The following KCNU1 variants were observed in gnomAD, a reference collection of about 807,000 sequenced individuals.
KCNU1 encodes the protein potassium channel subfamily U member 1.
In KCNU1, 93 loss-of-function variants were observed where a neutral mutation model predicts 126.8. The observed-to-expected ratio is 0.73, with a 90% confidence interval of 0.62 to 0.87. The LOEUF is 0.87. KCNU1 is among the 40% of genes least tolerant of loss of function. The probability of loss-of-function intolerance (pLI) is 0.00; values close to 1 mark genes in which losing one functional copy is unlikely to be tolerated. For missense variants in KCNU1, 1,330 were observed against 1,367.1 expected (o/e 0.97, Z 0.43); for synonymous variants, 523 against 494.2 (o/e 1.06, Z -0.77).
chr8:36,784,622 G>A lies in KCNU1; in HGVS notation c.195+17G>A, dbSNP rs764729993. 1.8e-5 allele frequency: 28 copies of A among 1,586,528 alleles called. No individual in the cohort carries two copies. Among genetic ancestry groups the A allele is most frequent in the Non-Finnish European group, 2.2e-5 (25 of 1,160,014 alleles). On this transcript the variant is annotated intron_variant, in intron 1 of 26. Coordinates refer to ENST00000399881, the MANE Select transcript of KCNU1 (RefSeq NM_001031836.3). ...ATTATCTTGGTCAGTTTCCTTGTTA[G>A]GGATCCCTCTGTGTGAAGTCAGAGA... is the stretch of plus-strand genomic sequence containing the variant.
At chr8:36,904,481 C>A (rs1807543994) in intron 19 of KCNU1, among the ~76,000 whole-genome samples, 1 of 152,126 alleles carries the variant, frequency 6.6e-6, no homozygotes, top group African/African-American at 2.4e-5. Context: ...TATTCAAATG[C>A]CAGTTTTGCA....
At chr8:36,801,472 A>T (rs1359152523) in intron 2 of KCNU1, among the ~76,000 whole-genome samples, 1 of 147,614 alleles carries the variant, frequency 6.8e-6, no homozygotes, top group Non-Finnish European at 1.5e-5. Context: ...GTTTCTGTTC[A>T]TTTCCATGGG....
chr8:36,833,742 G>A (rs1256823177), intron 11 of KCNU1, 83 bp downstream of exon 11: 6 of 774,316 alleles, frequency 7.7e-6, no homozygotes, highest in Admixed American at 2.3e-5. Context: ...TTTTAAAAAA[G>A]GTATTATTTC....
At chr8:36,796,754 TTTC>T (rs1194290701) in intron 2 of KCNU1, among the ~76,000 whole-genome samples, 1 of 152,216 alleles carries the variant, frequency 6.6e-6, no homozygotes, top group East Asian at 1.9e-4. Flanking sequence ...TCAATCTTTC[TTTC>T]TTATTTCTTC....
rs1791814461 is a variant in KCNU1, at chr8:36,931,016, G to A, written c.2802G>A (p.Gln934=). The A allele has an allele frequency of 2.5e-6, 4 of 1,611,354 alleles. No individual in the cohort carries two copies. Among genetic ancestry groups the A allele is most frequent in the Non-Finnish European group, 2.5e-6 (3 of 1,178,578 alleles). ...QMLVTGGVSS[Q]LEQHLDKDKV... ...TGGTGACAGGAGGAGTAAGTTCTCAGCTGGAACAACATTTAGATAAGGATA... is the reference window on the plus strand; with the variant it reads ...TGGTGACAGGAGGAGTAAGTTCTCAACTGGAACAACATTTAGATAAGGATA... Residue 934 remains glutamine, a synonymous_variant, in exon 25 of 27, where the codon CAG becomes CAA. Transcript: ENST00000399881.
At chr8:36,863,385 G>C (rs968137947) in intron 18 of KCNU1, among the ~76,000 whole-genome samples, 1 of 152,116 alleles carries the variant, frequency 6.6e-6, no homozygotes, top group African/African-American at 2.4e-5. Context: ...TCTCCACTTG[G>C]GTGGGCAGGG....
intron 18 of KCNU1, among the ~76,000 whole-genome samples, chr8:36,849,056 C>G (rs1805250319): frequency 3.9e-5 from 6 of 152,074 alleles, no homozygotes; most frequent in Admixed American, 3.9e-4. Context: ...TCACTACAAT[C>G]AATTTTAGAA....
intron 2 of KCNU1, among the ~76,000 whole-genome samples, chr8:36,799,568 G>T (rs1457944545): frequency 1.3e-5 from 2 of 151,006 alleles, no homozygotes; most frequent in South Asian, 4.2e-4. Context: ...GTATCACTCT[G>T]CTGTCATCCA....
chr8:36,885,493 T>A (rs1478458301), intron 19 of KCNU1, among the ~76,000 whole-genome samples: 3 of 152,058 alleles, frequency 2.0e-5, no homozygotes, highest in Non-Finnish European at 4.4e-5. Flanking sequence ...AGAAGGAGGT[T>A]GCAGTGTGTG....
At chr8:36,793,494 C>A (rs901856493) in intron 2 of KCNU1, among the ~76,000 whole-genome samples, 4 of 151,668 alleles carry the variant, frequency 2.6e-5, no homozygotes, top group Non-Finnish European at 5.9e-5. Flanking sequence ...AATGACAATT[C>A]AATCCAGAAA....
At chr8:36,893,874 G>A (rs1382000714) in intron 19 of KCNU1, among the ~76,000 whole-genome samples, 1 of 152,032 alleles carries the variant, frequency 6.6e-6, no homozygotes, top group African/African-American at 2.4e-5. Flanking sequence ...GTCCCTTGTA[G>A]TTACTTTTTA....
At chr8:36,916,411 G>A (rs916916566) in intron 22 of KCNU1, among the ~76,000 whole-genome samples, 1 of 150,478 alleles carries the variant, frequency 6.6e-6, no homozygotes, top group African/African-American at 2.4e-5. Context: ...AGAAAGGAAG[G>A]AAAGAGGAAA....
At chr8:36,809,720 C>T (rs888816106) in intron 7 of KCNU1, among the ~76,000 whole-genome samples, 1 of 152,150 alleles carries the variant, frequency 6.6e-6, no homozygotes, top group Non-Finnish European at 1.5e-5. Context: ...GATAAGCAGA[C>T]ATTAGTGTCC....
intron 19 of KCNU1, among the ~76,000 whole-genome samples, chr8:36,883,618 TA>T (rs1396427610): frequency 6.6e-6 from 1 of 151,890 alleles, no homozygotes; most frequent in African/African-American, 2.4e-5. Flanking sequence ...ACCCTGTCTC[TA>T]CAAAAAAAGA....
rs765560868 is a variant in KCNU1, at chr8:36,851,256, G to A, written c.1891+5357G>A. On this transcript the variant is annotated intron_variant, in intron 18 of 26. Coordinates refer to ENST00000399881, the MANE Select transcript of KCNU1 (RefSeq NM_001031836.3). ...AATCTCATCTTGAATTGTAATCCCC[G>A]TGAGTCAAGGGAGGAACCTGGTGAG... is the stretch of plus-strand genomic sequence containing the variant. Among the ~76,000 whole-genome samples, 21 of 152,066 alleles carry A rather than the reference G, an allele frequency of 1.4e-4. 1 individual carries two copies. The highest frequency in any genetic ancestry group is 2.7e-4 in the African/African-American group (11 of 41,390).
intron 18 of KCNU1, among the ~76,000 whole-genome samples, chr8:36,846,800 A>C (rs895617972): frequency 4.6e-5 from 7 of 151,810 alleles, no homozygotes; most frequent in Non-Finnish European, 7.4e-5. Flanking sequence ...AAAAAAAAAA[A>C]AAAAAACTTA....
chr8:36,820,728 A>G (rs753538987), intron 10 of KCNU1, among the ~76,000 whole-genome samples: 2 of 152,178 alleles, frequency 1.3e-5, no homozygotes, highest in Non-Finnish European at 2.9e-5. Flanking sequence ...CAGAGAGAAA[A>G]AAAAAATCAA....
intron 20 of KCNU1, among the ~76,000 whole-genome samples, chr8:36,908,924 TGTC>T (rs1292727129): frequency 6.6e-6 from 1 of 152,150 alleles, no homozygotes; most frequent in Non-Finnish European, 1.5e-5. Flanking sequence ...GAATCTGGAA[TGTC>T]TTAGGCTTTC....
chr8:36,841,309 A>C lies in KCNU1; in HGVS notation c.1703+306A>C, dbSNP rs975164027. 2.6e-5 allele frequency among the ~76,000 whole-genome samples: 4 copies of C among 152,000 alleles called. No individual in the cohort carries two copies. In the South Asian group the frequency reaches 8.3e-4, roughly 32 times the overall value. ...TCACCTTCTCAAATCTGTTTCTCTTAATAATATTACCAGATCTTGACCATG... is the reference window on the plus strand; with the variant it reads ...TCACCTTCTCAAATCTGTTTCTCTTCATAATATTACCAGATCTTGACCATG... On this transcript the variant is annotated intron_variant, in intron 16 of 26. Transcript: ENST00000399881.
Sources: gnomAD v4.1 joint callset for allele counts (sites outside exome capture counted in the v4.1 genomes callset) on GRCh38, gnomAD v4.1.1 for gene constraint, MANE v1.5 for transcripts, NCBI Gene and HGNC (gene_info 2026-07-23, HGNC 2026-07-21) for gene names.